The following DUSP22 variants were observed in gnomAD, a reference collection of about 807,000 sequenced individuals.
DUSP22 encodes dual specificity protein phosphatase 22.
A neutral mutation model predicts 24.5 loss-of-function variants in DUSP22; 24 were observed. The ratio of observed to expected loss-of-function variants is 0.98; its 90% CI spans 0.71 to 1.38. The LOEUF (loss-of-function observed/expected upper bound fraction) is 1.38. Ranked by LOEUF, DUSP22 falls within the 40% of genes most tolerant of loss-of-function variation. The probability of loss-of-function intolerance (pLI) is 0.00; values close to 1 mark genes in which losing one functional copy is unlikely to be tolerated. For synonymous variants in DUSP22, 160 were observed against 106.4 expected (o/e 1.50, Z -3.10); for missense variants, 330 against 269.2 (o/e 1.23, Z -1.58).
At chr6:309,701 CACACACACACACACACAT>C (rs1271725402) in intron 2 of DUSP22, among the ~76,000 whole-genome samples, 11 of 121,992 alleles carry the variant, frequency 9.0e-5, no homozygotes, top group Admixed American at 1.7e-4. Context: ...CACACACACA[CACACACACACACACACAT>C]ACTATAAAGA....
At chr6:295,748 C>T (rs1757295832) in intron 1 of DUSP22, among the ~76,000 whole-genome samples, 1 of 149,840 alleles carries the variant, frequency 6.7e-6, no homozygotes, top group East Asian at 2.0e-4. Flanking sequence ...TGGAGCGAGT[C>T]GTGATTGTGC....
intron 4 of DUSP22, among the ~76,000 whole-genome samples, chr6:342,891 T>C (rs1759675078): frequency 6.6e-6 from 1 of 152,308 alleles, no homozygotes; most frequent in Non-Finnish European, 1.5e-5. Context: ...ACATGTCTTG[T>C]CCGGTTCCAT....
At chr6:336,352 C>T (rs1190081488) in intron 4 of DUSP22, among the ~76,000 whole-genome samples, 1 of 152,300 alleles carries the variant, frequency 6.6e-6, no homozygotes, top group Non-Finnish European at 1.5e-5. Flanking sequence ...CGTCTGGATT[C>T]CCCTTTTATG....
intron 2 of DUSP22, among the ~76,000 whole-genome samples, chr6:309,525 C>T (rs1757969312): frequency 6.6e-6 from 1 of 152,270 alleles, no homozygotes; most frequent in South Asian, 2.1e-4. Context: ...AATTTTTTTT[C>T]CTGACGTTGC....
intron 4 of DUSP22, among the ~76,000 whole-genome samples, chr6:344,250 G>T (rs1222691743): frequency 2.7e-5 from 4 of 150,766 alleles, no homozygotes; most frequent in African/African-American, 1.0e-4. Flanking sequence ...AAGAAGAAAG[G>T]ATTAAGGCAC....
At chr6:330,843 G>T (rs1263639771) in intron 3 of DUSP22, among the ~76,000 whole-genome samples, 1 of 152,298 alleles carries the variant, frequency 6.6e-6, no homozygotes, top group Non-Finnish European at 1.5e-5. Context: ...CTGCCTCTTT[G>T]CAGCATCTTC....
rs576325173 is a variant in DUSP22 at position 302,508 on chromosome 6, G to A, written c.22-2120G>A. Among the ~76,000 whole-genome samples the A allele has an allele frequency of 3.3e-5, 5 of 152,422 alleles. No homozygotes were observed. In the East Asian group the frequency reaches 9.6e-4, roughly 29 times the overall value. ...TCCTGAGTGTCACTGTCCCCAGGAA[G>A]CCCTCTGCGACCCCAGAGTGGTCAG... On this transcript the variant is annotated intron_variant, in intron 1 of 6. Transcript: ENST00000419235.
intron 3 of DUSP22, among the ~76,000 whole-genome samples, chr6:323,860 T>G (rs1758721634): frequency 6.6e-6 from 1 of 152,424 alleles, no homozygotes; most frequent in Admixed American, 6.5e-5. Flanking sequence ...TGAAATACCT[T>G]GTTCCAGGAG....
At chr6:344,882 G>T (rs1759781803) in intron 4 of DUSP22, among the ~76,000 whole-genome samples, 1 of 152,300 alleles carries the variant, frequency 6.6e-6, no homozygotes, top group African/African-American at 2.4e-5. Flanking sequence ...ACACGACGTG[G>T]TCACCTTCCT....
chr6:332,552 A>G (rs369764807), intron 3 of DUSP22, among the ~76,000 whole-genome samples: 554 of 152,174 alleles, frequency 3.6e-3, no homozygotes, highest in African/African-American at 0.013. Flanking sequence ...GACTGCCCAT[A>G]GGAAGCACAA....
intron 3 of DUSP22, among the ~76,000 whole-genome samples, chr6:314,136 G>A (rs1439271631): frequency 6.6e-6 from 1 of 152,310 alleles, no homozygotes; most frequent in Non-Finnish European, 1.5e-5. Flanking sequence ...ATGAAGGTGA[G>A]CGGGGAGACT....
At chr6:341,591 A>C (rs1316391461) in intron 4 of DUSP22, among the ~76,000 whole-genome samples, 1 of 152,308 alleles carries the variant, frequency 6.6e-6, no homozygotes, top group African/African-American at 2.4e-5. Context: ...AATTGTGTCC[A>C]TGAGTCAAGC....
At chr6:309,385 T>C (rs1221710636) in intron 2 of DUSP22, among the ~76,000 whole-genome samples, 1 of 152,292 alleles carries the variant, frequency 6.6e-6, no homozygotes, top group African/African-American at 2.4e-5. Context: ...TTAGGCAAAA[T>C]ACTTGAAAAC....
chr6:293,210 C>T (rs1057119430), intron 1 of DUSP22, among the ~76,000 whole-genome samples: 5 of 152,292 alleles, frequency 3.3e-5, no homozygotes, highest in African/African-American at 1.2e-4. Flanking sequence ...CCATTTGTCC[C>T]GTCCGTTTCT....
chr6:350,149 A>G lies in DUSP22; in HGVS notation c.*1198A>G. On this transcript the variant is annotated 3_prime_UTR_variant, in exon 7 of 7. Transcript: ENST00000419235. The stretch of plus-strand genomic sequence containing the variant: ...GGTATGCAAGTCAGCTTTGCCTCAC[A>G]GTTGAAAATGTTCGGTCATGATTGC... The G allele has an allele frequency of 1.0e-6, 1 of 986,182 alleles. No homozygotes were observed. The highest frequency in any genetic ancestry group is 1.2e-6 in the Non-Finnish European group (1 of 830,466). The allele number at this position is 986,182 out of a possible 1,614,324, so 61.1% of individuals were successfully genotyped here. A position where few individuals can be genotyped will look rare whatever the true frequency, so the allele number is the denominator to read the frequency against.
intron 1 of DUSP22, among the ~76,000 whole-genome samples, chr6:302,991 G>T (rs1217387179): frequency 6.6e-6 from 1 of 152,302 alleles, no homozygotes; most frequent in African/African-American, 2.4e-5. Flanking sequence ...ACTCGGTCGG[G>T]CAAGGACCAG....
intron 2 of DUSP22, among the ~76,000 whole-genome samples, chr6:306,164 T>C (rs374505946): frequency 2.4e-4 from 36 of 152,414 alleles, no homozygotes; most frequent in African/African-American, 7.9e-4. Context: ...GTCAGAGTTA[T>C]TTAGTGAGTT....
At chr6:343,973 C>T (rs1460803037) in intron 4 of DUSP22, among the ~76,000 whole-genome samples, 1 of 152,306 alleles carries the variant, frequency 6.6e-6, no homozygotes, top group African/African-American at 2.4e-5. Flanking sequence ...GTTTTATAAG[C>T]CATTCAAAGG....
At chr6:330,908 A>T (rs1759111422) in intron 3 of DUSP22, among the ~76,000 whole-genome samples, 2 of 152,306 alleles carry the variant, frequency 1.3e-5, no homozygotes, top group South Asian at 4.1e-4. Flanking sequence ...ATTGTTTTAT[A>T]CATGCTGCTT....
Sources: gnomAD v4.1 joint callset for allele counts (sites outside exome capture counted in the v4.1 genomes callset) on GRCh38, gnomAD v4.1.1 for gene constraint, MANE v1.5 for transcripts, NCBI Gene and HGNC (gene_info 2026-07-23, HGNC 2026-07-21) for gene names.